MPP3: variants seen among roughly 807,000 people sequenced by gnomAD.
The protein encoded by MPP3 is MAGUK p55 scaffold protein 3, also known as MAGUK p55 subfamily member 3.
Under a neutral mutation model 80.7 loss-of-function variants are expected in MPP3, and 48 were observed. The observed-to-expected ratio is 0.59, with a 90% confidence interval of 0.47 to 0.76. The LOEUF (loss-of-function observed/expected upper bound fraction) is 0.76. Among genes scored for constraint, MPP3 ranks in the 30% least tolerant of loss-of-function variants. The pLI, the probability that MPP3 is intolerant of heterozygous loss-of-function variation, is 0.00. For synonymous variants in MPP3, 311 were observed against 297.6 expected (o/e 1.04, Z -0.46); for missense variants, 620 against 763.0 (o/e 0.81, Z 2.21).
At position 43,816,029 on chromosome 17, in the gene MPP3, G is replaced by A. The variant is rs1215496975; in HGVS notation, c.1009+9C>T. On this transcript the variant is annotated intron_variant, in intron 14 of 19. Transcript: ENST00000398389. ...GTCGTGCATGTGGGTGTCAGGGGGAGCTACTTACCCACATAGTGCCCTTTG... is the reference window on the plus strand; with the variant it reads ...GTCGTGCATGTGGGTGTCAGGGGGAACTACTTACCCACATAGTGCCCTTTG... The A allele has an allele frequency of 1.3e-6, 2 of 1,493,586 alleles. No individual in the cohort carries two copies. The highest frequency in any genetic ancestry group is 1.8e-6 in the Non-Finnish European group (2 of 1,125,888). 92.5% of individuals were successfully genotyped at this position (1,493,586 alleles called of 1,614,324 possible).
chr17:43,813,060 C>A (rs2044944011), intron 16 of MPP3, among the ~76,000 whole-genome samples: 1 of 152,216 alleles, frequency 6.6e-6, no homozygotes, highest in Non-Finnish European at 1.5e-5. Flanking sequence ...TTAGGGCCCC[C>A]ACAGCACCCC....
In MPP3 at chr17:43,827,822, A is replaced by G; in HGVS notation, c.452T>C (p.Ile151Thr). ...VKNKEPLGAT[I>T]RRDEHSGAVV... Reference sequence around the variant, plus strand: ...AGCCCCTGAGTGCTCGTCCCGCCGGATGGTGGCACCCTGAACCCGAGACAG... The same window carrying G: ...AGCCCCTGAGTGCTCGTCCCGCCGGGTGGTGGCACCCTGAACCCGAGACAG... Residue 151 changes from isoleucine (I) to threonine (T), a missense_variant, in exon 8 of 20, where the codon ATC becomes ACC. Ile to Thr is a moderately conservative substitution (Grantham distance 89). Transcript: ENST00000398389. 1 of 1,613,188 alleles carries G rather than the reference A, an allele frequency of 6.2e-7. No homozygotes were observed. Among genetic ancestry groups the G allele is most frequent in the Non-Finnish European group, 8.5e-7 (1 of 1,179,980 alleles).
At chr17:43,825,714 T>TC (rs778608408) in intron 9 of MPP3, 42 bp downstream of exon 9, 1 of 1,329,912 alleles carries the variant, frequency 7.5e-7, no homozygotes, top group Admixed American at 1.7e-5. Context: ...GCTCTGGGTG[T>TC]CTGAAGACCC....
rs201884824 is a variant in MPP3, at chr17:43,814,221, G to A, written c.1150C>T (p.Arg384Trp). The part of the protein sequence containing the change: ...VARYQHQPGE[R>W]PRLVVLIGSL... ...CCGATCAGAACCACCAGGCGGGGCC[G>A]CTCTCCGGGCTGGTGTTGGTACCTG... The change falls in exon 15 of 20, where the codon CGG becomes TGG. Residue 384 changes from arginine to tryptophan, a missense_variant. Transcript: ENST00000398389. The A allele has an allele frequency of 1.1e-4, 176 of 1,613,210 alleles. 1 individual carries two copies. In the East Asian group the frequency reaches 3.6e-3, roughly 33 times the overall value.
intron 16 of MPP3, among the ~76,000 whole-genome samples, chr17:43,812,914 C>T (rs1191277051): frequency 6.6e-6 from 1 of 152,208 alleles, no homozygotes. Flanking sequence ...ACATCCCTGC[C>T]ACTTCAGATT....
At chr17:43,803,244 T>A (rs575212113) in intron 19 of MPP3, among the ~76,000 whole-genome samples, 2 of 152,270 alleles carry the variant, frequency 1.3e-5, no homozygotes, top group East Asian at 3.9e-4. Flanking sequence ...ACACGGTTCA[T>A]CCTGGAAGCA....
At chr17:43,820,482 C>G (rs1215827895) in intron 11 of MPP3, among the ~76,000 whole-genome samples, 1 of 151,592 alleles carries the variant, frequency 6.6e-6, no homozygotes, top group Admixed American at 6.6e-5. Flanking sequence ...ATCTCAGCTA[C>G]TCAGGAGGCT....
chr17:43,805,895 A>G (rs1259046638), intron 19 of MPP3, among the ~76,000 whole-genome samples: 3 of 152,242 alleles, frequency 2.0e-5, no homozygotes, highest in African/African-American at 7.2e-5. Context: ...CTGTGAATAC[A>G]TCATTGAATT....
chr17:43,822,741 C>G (rs539264197), intron 10 of MPP3, among the ~76,000 whole-genome samples: 1 of 147,848 alleles, frequency 6.8e-6, no homozygotes, highest in African/African-American at 2.5e-5. Flanking sequence ...GTGGGATGCC[C>G]TCCCATATGC....
chr17:43,820,759 C>T (rs2045413172), intron 11 of MPP3, 103 bp downstream of exon 11: 1 of 1,079,832 alleles, frequency 9.3e-7, no homozygotes, highest in Non-Finnish European at 1.4e-6. Flanking sequence ...GAACAATGCT[C>T]AGCAGGCCCC....
rs2240007 is a variant in MPP3, at chr17:43,816,557, G to A, written c.967+120C>T. ...TCCAGCTGGCAGAGCAGGAAGAGGT[G>A]CGCAGACAGTGGGAGGGGCACAGCT... On this transcript the variant is annotated intron_variant, in intron 13 of 19. Coordinates refer to ENST00000398389, the MANE Select transcript of MPP3 (RefSeq NM_001932.6). 1.8e-3 allele frequency: 1,639 copies of A among 926,534 alleles called. 17 individuals carry two copies. In the East Asian group the frequency reaches 0.021, roughly 12 times the overall value. The allele number at this position is 926,534 out of a possible 1,614,324, so 57.4% of individuals were successfully genotyped here. A position where few individuals can be genotyped will look rare whatever the true frequency, so the allele number is the denominator to read the frequency against.
chr17:43,814,152 G>C, intron 15 of MPP3, 45 bp downstream of exon 15: 2 of 1,607,060 alleles, frequency 1.2e-6, no homozygotes, highest in African/African-American at 1.3e-5. Flanking sequence ...ACCTGCTCCA[G>C]GGAGGAAACC....
intron 19 of MPP3, among the ~76,000 whole-genome samples, chr17:43,807,799 A>T (rs914897879): frequency 1.6e-4 from 25 of 151,826 alleles, no homozygotes; most frequent in Non-Finnish European, 2.2e-4. Context: ...CTATAAAAAA[A>T]TTTTTTTTAA....
intron 8 of MPP3, among the ~76,000 whole-genome samples, chr17:43,826,989 C>T (rs1322527828): frequency 6.6e-6 from 1 of 151,118 alleles, no homozygotes; most frequent in African/African-American, 2.4e-5. Context: ...GTGTGGGCCA[C>T]CCGTGCATGG....
chr17:43,816,641 C>T, intron 13 of MPP3, 36 bp downstream of exon 13: 2 of 1,558,056 alleles, frequency 1.3e-6, no homozygotes, highest in Non-Finnish European at 1.7e-6. Flanking sequence ...GGAAAAGGGG[C>T]CACGCCTGTG....
At chr17:43,815,449 T>C (rs1338686606) in intron 14 of MPP3, among the ~76,000 whole-genome samples, 2 of 152,168 alleles carry the variant, frequency 1.3e-5, no homozygotes, top group East Asian at 3.9e-4. Flanking sequence ...AAAAATTTTT[T>C]TAATCAGCTG....
At chr17:43,804,830 A>G (rs1251940970) in intron 19 of MPP3, among the ~76,000 whole-genome samples, 1 of 152,238 alleles carries the variant, frequency 6.6e-6, no homozygotes, top group East Asian at 1.9e-4. Flanking sequence ...AGCCTGGCCA[A>G]CGTGGTAAAA....
rs2044809582 is a variant in MPP3 at position 43,810,585 on chromosome 17, G to A, written c.1458+222C>T. Reference sequence around the variant, plus strand: ...GCCTGGGTCTGTGGGCCACCAGAGTGTCCACAAGCTCCCTACAATTAATGC... The same window carrying A: ...GCCTGGGTCTGTGGGCCACCAGAGTATCCACAAGCTCCCTACAATTAATGC... On this transcript the variant is annotated intron_variant, in intron 18 of 19. Coordinates refer to ENST00000398389, the MANE Select transcript of MPP3 (RefSeq NM_001932.6). 2.0e-5 allele frequency among the ~76,000 whole-genome samples: 3 copies of A among 152,242 alleles called. No homozygotes were observed. In the South Asian group the frequency reaches 6.2e-4, roughly 32 times the overall value.
chr17:43,801,961 A>G lies in MPP3; in HGVS notation c.1582-84T>C, dbSNP rs577495842. 347 of 1,417,768 alleles carry G rather than the reference A, an allele frequency of 2.4e-4. 5 individuals carry two copies. The Admixed American group carries it at 7.0e-3, about 29-fold the overall frequency. The allele number at this position is 1,417,768 out of a possible 1,614,324, so 87.8% of individuals were successfully genotyped here. On this transcript the variant is annotated intron_variant, in intron 19 of 19. Transcript: ENST00000398389. The stretch of plus-strand genomic sequence containing the variant: ...AACCTTTGTCTTGAGCAATGTTCCA[A>G]CCTTTAACTTTTAAGTGATGAGTGG...
Sources: allele counts gnomAD v4.1 joint callset (sites outside exome capture counted in the v4.1 genomes callset), GRCh38; gene constraint gnomAD v4.1.1; transcripts MANE v1.5; gene names NCBI Gene and HGNC (gene_info 2026-07-23, HGNC 2026-07-21).